Variants in EEF1E1 observed in about 807,000 individuals in gnomAD.
EEF1E1 encodes the protein eukaryotic translation elongation factor 1 epsilon 1.
In EEF1E1, 19 loss-of-function variants were observed where a neutral mutation model predicts 19.9. That is an observed-to-expected ratio of 0.95 (90% CI 0.66 to 1.40). EEF1E1 has a LOEUF of 1.40. Among genes scored for constraint, EEF1E1 ranks in the 40% most tolerant of loss-of-function variants. The pLI is 0.00. For synonymous variants in EEF1E1, 81 were observed against 80.0 expected, an observed-to-expected ratio of 1.01 and a Z score of -0.07; for missense variants, 198 against 202.2, an observed-to-expected ratio of 0.98 and a Z score of 0.13.
chr6:8,076,972 TCG>T (rs1216828152), downstream of EEF1E1, among the ~76,000 whole-genome samples: 2 of 104,432 alleles, frequency 1.9e-5, no homozygotes, highest in Middle Eastern at 4.0e-3. Flanking sequence ...AGATGGAGTC[TCG>T]CGCTGTCGCC....
At chr6:8,093,356 G>A (rs1373878700) in intron 2 of EEF1E1, among the ~76,000 whole-genome samples, 1 of 103,816 alleles carries the variant, frequency 9.6e-6, no homozygotes, top group African/African-American at 3.5e-5. Context: ...AATTCTTTCT[G>A]ATGCCATTGT....
chr6:8,100,049 C>T (rs1758306540), intron 1 of EEF1E1, among the ~76,000 whole-genome samples: 1 of 152,130 alleles, frequency 6.6e-6, no homozygotes, highest in African/African-American at 2.4e-5. Context: ...ATGGCTGAAT[C>T]TTATCACATA....
Position 8,079,454 on chromosome 6 carries a change from TC to T in EEF1E1, c.*435del. On this transcript the variant is annotated 3_prime_UTR_variant, in exon 4 of 4. Transcript: ENST00000379715. ...TATTTTAAAACAAATCCATCTGTCT[TC>T]CCTTTTGGCTTCCTTGGCACAATTT... 2.0e-6 allele frequency: 2 copies of T among 989,614 alleles called. No individual in the cohort carries two copies. The highest frequency in any genetic ancestry group is 2.4e-6 in the Non-Finnish European group (2 of 832,100). 61.3% of individuals were successfully genotyped at this position (989,614 alleles called of 1,614,324 possible). A position where few individuals can be genotyped will look rare whatever the true frequency, so the allele number is the denominator to read the frequency against.
At chr6:8,094,713 T>C (rs1758118131) in intron 2 of EEF1E1, among the ~76,000 whole-genome samples, 1 of 152,172 alleles carries the variant, frequency 6.6e-6, no homozygotes, top group Non-Finnish European at 1.5e-5. Flanking sequence ...AGGTTGGAAT[T>C]GCACAGGTCC....
chr6:8,085,306 G>A (rs1048183873), intron 3 of EEF1E1, among the ~76,000 whole-genome samples: 5 of 148,996 alleles, frequency 3.4e-5, no homozygotes, highest in Non-Finnish European at 5.9e-5. Context: ...GAGCTACCAC[G>A]CCTGGTTAAT....
chr6:8,088,945 GA>G (rs75744698), intron 3 of EEF1E1, among the ~76,000 whole-genome samples: 33,542 of 145,022 alleles, frequency 0.23, 3,931 homozygotes, highest in Middle Eastern at 0.36. Flanking sequence ...ATCCCTGGGA[GA>G]AAAAAAAAAA....
chr6:8,073,411 T>G lies in EEF1E1; in HGVS notation c.*64A>C. The G allele has an allele frequency of 3.2e-6, 5 of 1,548,412 alleles. No homozygotes were observed. In the South Asian group the frequency reaches 4.8e-5, roughly 15 times the overall value. ...CCATGTAGAGTAGTTTACAGGTAAG[T>G]TTGAGCCAGACATTTGTGTTTGAAT... On this transcript the variant is annotated 3_prime_UTR_variant, in exon 4 of 4. Transcript: ENST00000429723.
intron 2 of EEF1E1, among the ~76,000 whole-genome samples, chr6:8,092,869 C>A (rs2027125): frequency 1.1e-5 from 1 of 93,764 alleles, no homozygotes; most frequent in Non-Finnish European, 2.0e-5. Flanking sequence ...ATAAAGACTG[C>A]TTTTTTTTTT....
At chr6:8,090,865 G>C (rs1581467918) in intron 2 of EEF1E1, among the ~76,000 whole-genome samples, 2 of 152,274 alleles carry the variant, frequency 1.3e-5, no homozygotes, top group Admixed American at 1.3e-4. Flanking sequence ...GCACATGTCA[G>C]GATTTCCTTC....
At chr6:8,076,880 C>A (rs1361467376), downstream of EEF1E1, among the ~76,000 whole-genome samples, 1 of 151,552 alleles carries the variant, frequency 6.6e-6, no homozygotes, top group Non-Finnish European at 1.5e-5. Context: ...GTCACCCAGG[C>A]TTTGTTGTTC....
intron 1 of EEF1E1, 117 bp from the exon 2 acceptor site, chr6:8,097,584 C>G (rs776519880): frequency 3.8e-5 from 28 of 727,572 alleles, no homozygotes; most frequent in Non-Finnish European, 4.9e-5. Flanking sequence ...GGATTTTACT[C>G]TAAGATACTA....
intron 2 of EEF1E1, among the ~76,000 whole-genome samples, chr6:8,096,705 A>AT (rs917624610): frequency 1.6e-4 from 24 of 151,660 alleles, no homozygotes; most frequent in South Asian, 4.2e-4. Context: ...TTCATTTGGA[A>AT]TTTTTTTTTA....
At chr6:8,078,541 G>A (rs1490333364), downstream of EEF1E1, 10 of 694,576 alleles carry the variant, frequency 1.4e-5, no homozygotes, top group African/African-American at 2.0e-5. Flanking sequence ...CAAGCCGACG[G>A]AAAAATGGTG....
chr6:8,092,346 CT>C (rs1758034449), intron 2 of EEF1E1, among the ~76,000 whole-genome samples: 1 of 152,210 alleles, frequency 6.6e-6, no homozygotes, highest in Non-Finnish European at 1.5e-5. Context: ...TGAATTTAAT[CT>C]CTTTGAGTTT....
intron 3 of EEF1E1, among the ~76,000 whole-genome samples, chr6:8,082,015 T>G (rs1299304839): frequency 1.3e-5 from 2 of 152,168 alleles, no homozygotes; most frequent in Non-Finnish European, 2.9e-5. Flanking sequence ...TTAAACTAGG[T>G]AAAAAGGGCA....
chr6:8,079,404 A>G lies in EEF1E1; in HGVS notation c.*486T>C, dbSNP rs894098190. The G allele has an allele frequency of 2.0e-6, 2 of 988,254 alleles. No homozygotes were observed. The highest frequency in any genetic ancestry group is 4.6e-5 in the South Asian group (1 of 21,536). The allele number at this position is 988,254 out of a possible 1,614,324, so 61.2% of individuals were successfully genotyped here. A position where few individuals can be genotyped will look rare whatever the true frequency, so the allele number is the denominator to read the frequency against. On this transcript the variant is annotated 3_prime_UTR_variant, in exon 4 of 4. Coordinates refer to ENST00000379715, the MANE Select transcript of EEF1E1 (RefSeq NM_004280.5). The stretch of plus-strand genomic sequence containing the variant: ...AGAAACAACGAAAAAATATTTTTTC[A>G]ACCACATTTACTAGCTCACATAAAT...
chr6:8,073,410 G>T, exon 4 of EEF1E1: 1 of 1,548,166 alleles, frequency 6.5e-7, no homozygotes, highest in South Asian at 1.2e-5. Context: ...TTACAGGTAA[G>T]TTTGAGCCAG....
chr6:8,081,059 AC>A (rs1757711672), intron 3 of EEF1E1, among the ~76,000 whole-genome samples: 1 of 152,272 alleles, frequency 6.6e-6, no homozygotes. Context: ...ATTACAGAAT[AC>A]AAAAGGATAT....
At position 8,079,824 on chromosome 6, in the gene EEF1E1, G is replaced by A. The variant is rs1433290300; in HGVS notation, c.*66C>T. 6.6e-7 allele frequency: 1 copy of A among 1,522,868 alleles called. No homozygotes were observed. The highest frequency in any genetic ancestry group is 1.9e-5 in the Admixed American group (1 of 52,646). 94.3% of individuals were successfully genotyped at this position (1,522,868 alleles called of 1,614,324 possible). On this transcript the variant is annotated 3_prime_UTR_variant, in exon 4 of 4. Coordinates refer to ENST00000379715, the MANE Select transcript of EEF1E1 (RefSeq NM_004280.5). ...CTGTATATTAATTTACATTAGTCCTGTGGTCTAGAGTACATTTTCCATTTA... is the reference window on the plus strand; with the variant it reads ...CTGTATATTAATTTACATTAGTCCTATGGTCTAGAGTACATTTTCCATTTA...
Sources: gnomAD v4.1 joint callset for allele counts (sites outside exome capture counted in the v4.1 genomes callset) on GRCh38, gnomAD v4.1.1 for gene constraint, MANE v1.5 for transcripts, NCBI Gene and HGNC (gene_info 2026-07-23, HGNC 2026-07-21) for gene names.